The following LAMA3 variants were observed in gnomAD, a reference collection of about 807,000 sequenced individuals.
The protein encoded by LAMA3 is laminin subunit alpha 3, also known as laminin subunit alpha-3.
In LAMA3, 281 loss-of-function variants were observed where a neutral mutation model predicts 402.0. The ratio of observed to expected loss-of-function variants is 0.70; its 90% confidence interval spans 0.63 to 0.77. LAMA3 has a LOEUF of 0.77. Ranked by LOEUF, LAMA3 falls within the 30% of genes least tolerant of loss-of-function variation. The pLI is 0.00. For missense variants in LAMA3, 3,840 were observed against 4,215.5 expected (o/e 0.91, Z 2.47); for synonymous variants, 1,431 against 1,558.4 (o/e 0.92, Z 1.93).
At chr18:23,724,490 C>T (rs550215942) in intron 2 of LAMA3, among the ~76,000 whole-genome samples, 1 of 151,892 alleles carries the variant, frequency 6.6e-6, no homozygotes, top group Non-Finnish European at 1.5e-5. Context: ...CACCCCCTGC[C>T]ACCCCGTCCC....
At chr18:23,891,135 A>G (rs1396707410) in intron 42 of LAMA3, among the ~76,000 whole-genome samples, 1 of 152,246 alleles carries the variant, frequency 6.6e-6, no homozygotes, top group African/African-American at 2.4e-5. Flanking sequence ...ACAGATGCTT[A>G]TGTACCCTTC....
chr18:23,873,009 G>T, intron 38 of LAMA3: 2 of 1,613,684 alleles, frequency 1.2e-6, no homozygotes, highest in Non-Finnish European at 1.7e-6. Flanking sequence ...AAGAGGCAGA[G>T]GTTCCTGCGC....
In LAMA3 at chr18:23,842,669, C is replaced by T. The variant is rs200144691; in HGVS notation, c.3522C>T (p.Ala1174=). 6.2e-6 allele frequency: 10 copies of T among 1,614,114 alleles called. No homozygotes were observed. Among genetic ancestry groups the T allele is most frequent in the African/African-American group, 2.7e-5 (2 of 75,034 alleles). Residue 1174 remains alanine (A), a synonymous_variant, in exon 29 of 75, where the codon GCC becomes GCT. Transcript: ENST00000313654. The part of the protein sequence containing the change: ...HVLGCRDQVI[A]EGQIEFDISE... ...TTGGCTGCCGGGATCAAGTGATTGC[C>T]GAAGGCCAGATTGAGTTTGACATCT...
chr18:23,912,080 A>G (rs1429661819), intron 55 of LAMA3, among the ~76,000 whole-genome samples: 2 of 146,206 alleles, frequency 1.4e-5, no homozygotes, highest in Non-Finnish European at 3.0e-5. Context: ...TATATATTTA[A>G]TATATAAATG....
chr18:23,795,178 A>G (rs1285641540), intron 12 of LAMA3, among the ~76,000 whole-genome samples: 1 of 152,222 alleles, frequency 6.6e-6, no homozygotes, highest in Non-Finnish European at 1.5e-5. Context: ...AAATTTAGTT[A>G]TTTGTTTTGC....
chr18:23,904,090 G>C lies in LAMA3; in HGVS notation c.6473+3G>C. 6 of 1,613,364 alleles carry C rather than the reference G, an allele frequency of 3.7e-6. No individual in the cohort carries two copies. Among genetic ancestry groups the C allele is most frequent in the Non-Finnish European group, 5.1e-6 (6 of 1,179,984 alleles). ...GAGCTGGCAAAGCAGCTGGAAGAGTGAGTGCATGGCCCAGGAGACCAGAAG... is the reference window on the plus strand; with the variant it reads ...GAGCTGGCAAAGCAGCTGGAAGAGTCAGTGCATGGCCCAGGAGACCAGAAG... On this transcript the variant is annotated splice_donor_region_variant and intron_variant, in intron 50 of 74. Coordinates refer to ENST00000313654, the MANE Select transcript of LAMA3 (RefSeq NM_198129.4).
At chr18:23,894,739 G>C (rs774583100) in intron 43 of LAMA3, among the ~76,000 whole-genome samples, 168 bp from the exon 44 acceptor site, 2 of 152,188 alleles carry the variant, frequency 1.3e-5, no homozygotes, top group African/African-American at 4.8e-5. Flanking sequence ...CTGTGCACAG[G>C]GCTCTCCTTT....
intron 32 of LAMA3, among the ~76,000 whole-genome samples, chr18:23,854,197 T>C (rs534724213): frequency 6.6e-6 from 1 of 152,294 alleles, no homozygotes; most frequent in African/African-American, 2.4e-5. Context: ...TCTCAGTCAC[T>C]CTCTTTCCAC....
intron 38 of LAMA3, chr18:23,872,976 G>T: frequency 6.2e-7 from 1 of 1,600,714 alleles, no homozygotes; most frequent in Non-Finnish European, 8.5e-7. Context: ...CGGGCACTGA[G>T]CAGGAAGGGC....
chr18:23,922,214 G>T (rs900251638), intron 62 of LAMA3, among the ~76,000 whole-genome samples: 6 of 152,208 alleles, frequency 3.9e-5, no homozygotes, highest in African/African-American at 1.4e-4. Flanking sequence ...CTCCCGGAAG[G>T]CTTTTAGATA....
intron 36 of LAMA3, among the ~76,000 whole-genome samples, chr18:23,865,533 A>G (rs1017126905): frequency 3.3e-5 from 5 of 152,178 alleles, no homozygotes; most frequent in Non-Finnish European, 5.9e-5. Flanking sequence ...TGGACTCTGT[A>G]AAGGACAGGT....
chr18:23,890,208 A>C (rs565421700), intron 42 of LAMA3, 91 bp downstream of exon 42: 2 of 829,644 alleles, frequency 2.4e-6, no homozygotes, highest in East Asian at 5.0e-5. Context: ...TTCAGGATGC[A>C]TAATACACAA....
At chr18:23,944,254 C>G (rs942034879) in intron 69 of LAMA3, among the ~76,000 whole-genome samples, 5 of 152,310 alleles carry the variant, frequency 3.3e-5, no homozygotes, top group African/African-American at 1.2e-4. Flanking sequence ...CCTACTCTAA[C>G]TCCTTCATCC....
intron 68 of LAMA3, among the ~76,000 whole-genome samples, chr18:23,942,640 C>T (rs892374254): frequency 5.3e-5 from 8 of 150,178 alleles, no homozygotes; most frequent in African/African-American, 1.7e-4. Flanking sequence ...TGCAGTGGCA[C>T]GATCTTGGCT....
intron 32 of LAMA3, among the ~76,000 whole-genome samples, chr18:23,848,300 C>A (rs550726169): frequency 6.6e-6 from 1 of 152,120 alleles, no homozygotes. Context: ...TGCTAAGGGA[C>A]AGGTGGAGAC....
Position 23,773,404 on chromosome 18 carries a change from A to G in LAMA3, c.1183-93A>G, listed in dbSNP as rs192685245. 9.5e-4 allele frequency: 776 copies of G among 819,590 alleles called. 5 individuals are homozygous for G. The African/African-American group carries it at 0.012, about 13-fold the overall frequency. 50.8% of individuals were successfully genotyped at this position (819,590 alleles called of 1,614,324 possible). A position where few individuals can be genotyped will look rare whatever the true frequency, so the allele number is the denominator to read the frequency against. On this transcript the variant is annotated intron_variant, in intron 8 of 74. Transcript: ENST00000313654. ...AGTGACTTCAAAATTACAATTGTAT[A>G]TGACAGAATTATTCCTCTGGGTGAG... is the stretch of plus-strand genomic sequence containing the variant.
intron 17 of LAMA3, among the ~76,000 whole-genome samples, chr18:23,815,957 G>T (rs1344168636): frequency 6.6e-6 from 1 of 152,064 alleles, no homozygotes; most frequent in Non-Finnish European, 1.5e-5. Context: ...CAGGTGCCCC[G>T]CAAGGCTACT....
At chr18:23,732,271 G>A (rs985175508) in intron 2 of LAMA3, among the ~76,000 whole-genome samples, 1 of 152,146 alleles carries the variant, frequency 6.6e-6, no homozygotes, top group African/African-American at 2.4e-5. Flanking sequence ...CAAAGGCTGG[G>A]GCTAGTAGTA....
intron 11 of LAMA3, among the ~76,000 whole-genome samples, chr18:23,782,176 G>T (rs1322042426): frequency 1.3e-5 from 2 of 152,152 alleles, no homozygotes; most frequent in African/African-American, 4.8e-5. Flanking sequence ...GGTAGGTAGG[G>T]TGGACCCAGC....
Sources: allele counts gnomAD v4.1 joint callset (sites outside exome capture counted in the v4.1 genomes callset), GRCh38; gene constraint gnomAD v4.1.1; transcripts MANE v1.5; gene names NCBI Gene and HGNC (gene_info 2026-07-23, HGNC 2026-07-21).